ANXA4: variants seen among roughly 807,000 people sequenced by gnomAD.
ANXA4 encodes 35-beta calcimedin.
A neutral mutation model predicts 49.8 loss-of-function variants in ANXA4; 39 were observed. That is an observed-to-expected ratio of 0.78 (90% confidence interval 0.61 to 1.02). The LOEUF is 1.02. Ranked by LOEUF, ANXA4 falls within the 50% of genes least tolerant of loss-of-function variation. ANXA4 has a pLI of 0.00. For missense variants in ANXA4, 360 were observed against 410.1 expected, an observed-to-expected ratio of 0.88 and a Z score of 1.05; for synonymous variants, 134 against 152.5, an observed-to-expected ratio of 0.88 and a Z score of 0.89.
chr2:69,696,549 T>C (rs1452210995), intron 2 of ANXA4, among the ~76,000 whole-genome samples: 1 of 152,246 alleles, frequency 6.6e-6, no homozygotes, highest in Non-Finnish European at 1.5e-5. Context: ...GTATTTATAA[T>C]AACATCTAAA....
At chr2:69,662,534 G>A (rs965208695) in intron 2 of ANXA4, among the ~76,000 whole-genome samples, 2 of 152,108 alleles carry the variant, frequency 1.3e-5, no homozygotes, top group South Asian at 2.1e-4. Flanking sequence ...AAATTGAAGA[G>A]CCATATGAAA....
intron 2 of ANXA4, among the ~76,000 whole-genome samples, chr2:69,656,633 A>G (rs1241442807): frequency 3.4e-5 from 5 of 148,102 alleles, no homozygotes; most frequent in Non-Finnish European, 7.4e-5. Context: ...GCTCACTGCA[A>G]CCTCCACCTC....
At chr2:69,740,589 G>A (rs1670359400), upstream of ANXA4, among the ~76,000 whole-genome samples, 1 of 151,136 alleles carries the variant, frequency 6.6e-6, no homozygotes, top group Non-Finnish European at 1.5e-5. Context: ...CTAGTAGCTG[G>A]GACTACAGGC....
intron 1 of ANXA4, among the ~76,000 whole-genome samples, chr2:69,763,575 A>ACTGACTCACTGCAAATCC (rs1295538369): frequency 6.6e-6 from 1 of 151,830 alleles, no homozygotes; most frequent in Non-Finnish European, 1.5e-5. Context: ...TCCCTCCTGT[A>ACTGACTCACTGCAAATCC]CTTTAATTTA....
chr2:69,812,063 C>T (rs1416834197), intron 7 of ANXA4, among the ~76,000 whole-genome samples: 1 of 151,590 alleles, frequency 6.6e-6, no homozygotes, highest in Non-Finnish European at 1.5e-5. Context: ...ATGGGATCCT[C>T]AAGTCCCACC....
At chr2:69,785,795 A>G (rs918455174) in intron 2 of ANXA4, among the ~76,000 whole-genome samples, 2 of 152,064 alleles carry the variant, frequency 1.3e-5, no homozygotes, top group Non-Finnish European at 2.9e-5. Context: ...CCAAGCGCCA[A>G]CTACTCCCTC....
upstream of ANXA4, among the ~76,000 whole-genome samples, chr2:69,738,780 C>A (rs1361003342): frequency 2.6e-5 from 4 of 152,138 alleles, no homozygotes; most frequent in Non-Finnish European, 5.9e-5. Context: ...TTGAGACCAA[C>A]CTTCCAGCTC....
intron 2 of ANXA4, among the ~76,000 whole-genome samples, chr2:69,717,426 G>A (rs1669674741): frequency 6.6e-6 from 1 of 152,002 alleles, no homozygotes; most frequent in South Asian, 2.1e-4. Flanking sequence ...CTGGCTCATC[G>A]ACACAAGCAG....
chr2:69,818,301 T>C (rs1217448334), intron 9 of ANXA4: 1 of 195,598 alleles, frequency 5.1e-6, no homozygotes, highest in Non-Finnish European at 1.0e-5. Context: ...AAGGAAACAA[T>C]GAGAAAGGAA....
intron 3 of ANXA4, among the ~76,000 whole-genome samples, chr2:69,793,187 G>A (rs901515756): frequency 1.3e-4 from 20 of 150,950 alleles, no homozygotes; most frequent in African/African-American, 3.9e-4. Flanking sequence ...GGGAGTCAGA[G>A]GTTGCAGTGG....
At chr2:69,649,546 A>G (rs1676145772) in intron 1 of ANXA4, among the ~76,000 whole-genome samples, 1 of 139,236 alleles carries the variant, frequency 7.2e-6, no homozygotes, top group Non-Finnish European at 1.6e-5. Flanking sequence ...GTTACTTTTT[A>G]TATGATTAGA....
At chr2:69,749,927 A>T (rs998032640) in intron 1 of ANXA4, among the ~76,000 whole-genome samples, 1 of 151,972 alleles carries the variant, frequency 6.6e-6, no homozygotes, top group Non-Finnish European at 1.5e-5. Flanking sequence ...TATCTCAAAA[A>T]AAAAAAAGAA....
At chr2:69,745,623 C>T (rs1030304222) in intron 1 of ANXA4, among the ~76,000 whole-genome samples, 1 of 151,798 alleles carries the variant, frequency 6.6e-6, no homozygotes, top group Non-Finnish European at 1.5e-5. Flanking sequence ...CTTTGCCTCC[C>T]AGGTTCAAGC....
rs191167882 is a variant in ANXA4, at chr2:69,655,357, A to G, written n.766+2075A>G. Reference sequence around the variant, plus strand: ...AAAAAAACAGACAACCCAATCAAAAAGTGAGCAAAGGATATGAACAGATAC... The same window carrying G: ...AAAAAAACAGACAACCCAATCAAAAGGTGAGCAAAGGATATGAACAGATAC... On this transcript the variant is annotated intron_variant and non_coding_transcript_variant, in intron 2 of 3. Coordinates refer to the ANXA4 transcript ENST00000418066. 3.6e-3 allele frequency among the ~76,000 whole-genome samples: 554 copies of G among 152,352 alleles called. 2 individuals are homozygous for G. The highest frequency in any genetic ancestry group is 6.0e-3 in the Admixed American group (92 of 15,302).
intron 2 of ANXA4, among the ~76,000 whole-genome samples, chr2:69,667,751 G>A (rs1407284423): frequency 6.6e-6 from 1 of 152,084 alleles, no homozygotes; most frequent in African/African-American, 2.4e-5. Flanking sequence ...CATTTTTATT[G>A]CTCCCAAGGC....
At chr2:69,744,257 T>C (rs929294307) in intron 1 of ANXA4, among the ~76,000 whole-genome samples, 3 of 152,046 alleles carry the variant, frequency 2.0e-5, no homozygotes, top group Admixed American at 6.6e-5. Flanking sequence ...CAGTGAGTTA[T>C]GATCACACCA....
At chr2:69,818,968 G>A (rs1674118067) in intron 10 of ANXA4, among the ~76,000 whole-genome samples, 1 of 152,214 alleles carries the variant, frequency 6.6e-6, no homozygotes, top group African/African-American at 2.4e-5. Flanking sequence ...TTGCAAGTCT[G>A]TGAATGGTTA....
At chr2:69,739,561 A>G (rs983060793), upstream of ANXA4, among the ~76,000 whole-genome samples, 1 of 150,322 alleles carries the variant, frequency 6.7e-6, no homozygotes, top group African/African-American at 2.4e-5. Flanking sequence ...GTGCGTCACT[A>G]GGCTTGGCTA....
chr2:69,804,528 C>T lies in ANXA4; in HGVS notation c.98-5C>T, dbSNP rs759079101. On this transcript the variant is annotated splice_region_variant and splice_polypyrimidine_tract_variant and intron_variant, in intron 3 of 12. Coordinates refer to ENST00000394295, the MANE Select transcript of ANXA4 (RefSeq NM_001153.5). ...ACTTACCTGCTGTCTCCCTTCTTCC[C>T]CCAGGCACCGATGAAGACGCCATTA... The T allele has an allele frequency of 2.5e-6, 4 of 1,612,922 alleles. No individual in the cohort carries two copies. The Admixed American group carries it at 5.0e-5, about 20-fold the overall frequency.
Sources: gnomAD v4.1 joint callset for allele counts (sites outside exome capture counted in the v4.1 genomes callset) on GRCh38, gnomAD v4.1.1 for gene constraint, MANE v1.5 for transcripts, NCBI Gene and HGNC (gene_info 2026-07-23, HGNC 2026-07-21) for gene names.